Variants in CDK7 observed in about 807,000 individuals in gnomAD.
CDK7 encodes cyclin dependent kinase 7, also known as cyclin-dependent kinase 7.
CDK7 carries 25 observed loss-of-function variants against 49.1 expected under a neutral mutation model. The ratio of observed to expected loss-of-function variants is 0.51; its 90% CI spans 0.37 to 0.71. The LOEUF (loss-of-function observed/expected upper bound fraction) is 0.71, where lower values mean the gene tolerates loss of function less well. CDK7 is among the 30% of genes least tolerant of loss of function. The probability of loss-of-function intolerance (pLI) is 0.00; values close to 1 mark genes in which losing one functional copy is unlikely to be tolerated. For synonymous variants in CDK7, 107 were observed against 140.0 expected, an observed-to-expected ratio of 0.76 and a Z score of 1.67; for missense variants, 316 against 411.7, an observed-to-expected ratio of 0.77 and a Z score of 2.01.
At chr5:69,258,809 C>G (rs1750648366) in intron 6 of CDK7, among the ~76,000 whole-genome samples, 2 of 152,144 alleles carry the variant, frequency 1.3e-5, no homozygotes, top group African/African-American at 4.8e-5. Context: ...GGCATGGTGG[C>G]TCACTTTTGT....
chr5:69,269,137 T>C, intron 8 of CDK7, 70 bp from the exon 9 acceptor site: 1 of 959,050 alleles, frequency 1.0e-6, no homozygotes, highest in East Asian at 2.5e-5. Context: ...AGACTCTGTC[T>C]CTCTAAAAAA....
intron 5 of CDK7, among the ~76,000 whole-genome samples, chr5:69,257,703 T>C (rs779238178): frequency 1.3e-5 from 2 of 152,212 alleles, no homozygotes; most frequent in African/African-American, 2.4e-5. Context: ...TTAGGTTGAC[T>C]CAGTCCTACC....
At chr5:69,239,170 A>T (rs1749203167) in intron 2 of CDK7, among the ~76,000 whole-genome samples, 1 of 152,178 alleles carries the variant, frequency 6.6e-6, no homozygotes, top group Non-Finnish European at 1.5e-5. Flanking sequence ...CAGCTTTACC[A>T]GATATGGTCA....
intron 8 of CDK7, among the ~76,000 whole-genome samples, chr5:69,264,192 C>T (rs535886620): frequency 3.3e-5 from 5 of 152,174 alleles, no homozygotes; most frequent in African/African-American, 9.6e-5. Context: ...GCCCCCAGCC[C>T]CCTTTCCAAA....
chr5:69,236,342 C>T (rs191747193), intron 2 of CDK7, among the ~76,000 whole-genome samples: 1 of 151,990 alleles, frequency 6.6e-6, no homozygotes, highest in African/African-American at 2.4e-5. Context: ...TTAAAAGTAA[C>T]CCTATTTTAT....
chr5:69,234,818 G>A (rs911777458), upstream of CDK7: 27 of 724,312 alleles, frequency 3.7e-5, no homozygotes, highest in African/African-American at 3.2e-4. Context: ...CCTGGGCCTA[G>A]CGCAGCTTCC....
In CDK7 at chr5:69,252,494, C is replaced by CTT. The variant is rs138764556; in HGVS notation, c.160+72_160+73dup. ...TCTGACAGATAGGAAAAGTTTTCTC[C>CTT]TTTTTTTTTTTTTTTTTTTTTTTTT... On this transcript the variant is annotated intron_variant, in intron 3 of 11. Transcript: ENST00000256443. 581 of 363,864 alleles carry CTT rather than the reference C, an allele frequency of 1.6e-3. 1 individual carries two copies. Among genetic ancestry groups the CTT allele is most frequent in the East Asian group, 5.6e-3 (99 of 17,756 alleles). 22.5% of individuals were successfully genotyped at this position (363,864 alleles called of 1,614,324 possible).
intron 9 of CDK7, among the ~76,000 whole-genome samples, chr5:69,269,776 G>A (rs1048427102): frequency 6.6e-6 from 1 of 150,726 alleles, no homozygotes; most frequent in Non-Finnish European, 1.5e-5. Context: ...AATAGAGATG[G>A]GGTTTCACCG....
intron 2 of CDK7, among the ~76,000 whole-genome samples, chr5:69,236,437 G>T (rs1748978750): frequency 6.6e-6 from 1 of 152,014 alleles, no homozygotes; most frequent in African/African-American, 2.4e-5. Context: ...TTAAATCCAG[G>T]TGTCCTGATG....
At chr5:69,264,267 G>A (rs978590307) in intron 8 of CDK7, among the ~76,000 whole-genome samples, 1 of 152,008 alleles carries the variant, frequency 6.6e-6, no homozygotes, top group African/African-American at 2.4e-5. Context: ...TTTTAAAAGG[G>A]GAACAATAAA....
chr5:69,273,173 C>T, intron 10 of CDK7, 132 bp downstream of exon 10: 1 of 639,278 alleles, frequency 1.6e-6, no homozygotes, highest in East Asian at 2.9e-5. Context: ...TAAGAAATAA[C>T]AAACTTTGTA....
intron 2 of CDK7, among the ~76,000 whole-genome samples, chr5:69,240,170 GGTTT>G (rs1011666372): frequency 8.6e-5 from 13 of 152,040 alleles, no homozygotes; most frequent in African/African-American, 2.7e-4. Context: ...TCCAGTGGTG[GGTTT>G]GTTTGTTTTT....
intron 2 of CDK7, among the ~76,000 whole-genome samples, chr5:69,240,252 C>T (rs1749279157): frequency 6.6e-6 from 1 of 152,154 alleles, no homozygotes; most frequent in South Asian, 2.1e-4. Context: ...TTCCATACAC[C>T]TTGTTTTTCT....
chr5:69,252,003 G>A (rs879310389), intron 2 of CDK7, among the ~76,000 whole-genome samples: 25 of 151,996 alleles, frequency 1.6e-4, no homozygotes, highest in Admixed American at 3.9e-4. Flanking sequence ...GAAAAATGTG[G>A]TGTCTAAGAG....
At chr5:69,257,485 C>T (rs1172222833) in intron 5 of CDK7, among the ~76,000 whole-genome samples, 1 of 152,154 alleles carries the variant, frequency 6.6e-6, no homozygotes, top group Admixed American at 6.5e-5. Context: ...GTGTACAGTT[C>T]TCAATATGGT....
intron 3 of CDK7, 122 bp downstream of exon 3, chr5:69,252,573 A>G (rs890890307): frequency 1.6e-6 from 1 of 623,944 alleles, no homozygotes; most frequent in Non-Finnish European, 2.7e-6. Context: ...ACTGAGACAC[A>G]ATCGTAGCTC....
In CDK7 at chr5:69,271,005, T is replaced by A. The variant is rs1470610215; in HGVS notation, c.714+1712T>A. On this transcript the variant is annotated intron_variant, in intron 9 of 11. Transcript: ENST00000256443. ...GATAAATGCCCAGGAGTTCAGTTCT[T>A]GAGTCATATGGTAGTTACATATTAA... 2.0e-5 allele frequency among the ~76,000 whole-genome samples: 3 copies of A among 152,318 alleles called. No individual in the cohort carries two copies. In the East Asian group the frequency reaches 5.8e-4, roughly 29 times the overall value.
At chr5:69,270,472 A>C (rs912163031) in intron 9 of CDK7, among the ~76,000 whole-genome samples, 1 of 152,172 alleles carries the variant, frequency 6.6e-6, no homozygotes, top group Non-Finnish European at 1.5e-5. Context: ...AATACTACAG[A>C]CATATTTCAC....
At chr5:69,250,782 T>C (rs1351551025) in intron 2 of CDK7, 1 of 456,556 alleles carries the variant, frequency 2.2e-6, no homozygotes, top group Non-Finnish European at 4.4e-6. Context: ...GTGAATGTGC[T>C]GTGTCATACC....
Sources: gnomAD v4.1 joint callset for allele counts (sites outside exome capture counted in the v4.1 genomes callset) on GRCh38, gnomAD v4.1.1 for gene constraint, MANE v1.5 for transcripts, NCBI Gene and HGNC (gene_info 2026-07-23, HGNC 2026-07-21) for gene names.